Variants in KCNMA1 observed in about 807,000 individuals in gnomAD.
KCNMA1 encodes the protein potassium calcium-activated channel subfamily M alpha 1.
A neutral mutation model predicts 140.0 loss-of-function variants in KCNMA1; 29 were observed. That is an observed-to-expected ratio of 0.21 (90% CI 0.15 to 0.28). KCNMA1 has a LOEUF of 0.28. KCNMA1 is among the 10% of genes least tolerant of loss of function. The pLI, the probability that KCNMA1 is intolerant of heterozygous loss-of-function variation, is 1.00. For missense variants in KCNMA1, 880 were observed against 1,602.2 expected (o/e 0.55, Z 7.70); for synonymous variants, 612 against 611.9 (o/e 1.00, Z 0.00).
chr10:77,506,969 C>T (rs1567216156), intron 1 of KCNMA1, among the ~76,000 whole-genome samples: 1 of 151,990 alleles, frequency 6.6e-6, no homozygotes, highest in East Asian at 1.9e-4. Context: ...CTCTCTGGCT[C>T]AGTGTTTGAA....
At chr10:77,508,705 G>T (rs1172266879) in intron 1 of KCNMA1, among the ~76,000 whole-genome samples, 2 of 149,182 alleles carry the variant, frequency 1.3e-5, no homozygotes, top group East Asian at 4.0e-4. Flanking sequence ...TCTATAGCAC[G>T]AAGTACATTC....
chr10:76,940,991 G>A (rs200662142), intron 23 of KCNMA1, among the ~76,000 whole-genome samples: 1,132 of 63,430 alleles, frequency 0.018, 18 homozygotes, highest in African/African-American at 0.059. Flanking sequence ...GAGAGAAAGA[G>A]AGAAAGAAAG....
intron 13 of KCNMA1, among the ~76,000 whole-genome samples, chr10:77,076,046 G>A (rs998598047): frequency 1.2e-4 from 18 of 152,252 alleles, no homozygotes; most frequent in African/African-American, 4.1e-4. Flanking sequence ...GGAAAACCAG[G>A]AGAGATGGAT....
intron 1 of KCNMA1, among the ~76,000 whole-genome samples, chr10:77,580,928 G>A (rs571032812): frequency 2.6e-5 from 4 of 152,156 alleles, no homozygotes; most frequent in Non-Finnish European, 4.4e-5. Flanking sequence ...ACAAGCCTAT[G>A]GGAAATATAC....
intron 1 of KCNMA1, among the ~76,000 whole-genome samples, chr10:77,451,955 C>G (rs1030610526): frequency 6.6e-6 from 1 of 152,204 alleles, no homozygotes; most frequent in South Asian, 2.1e-4. Context: ...TGATGAAACT[C>G]CCCATTCAAT....
intron 23 of KCNMA1, chr10:76,939,268 G>C (rs184381765): frequency 2.0e-5 from 3 of 152,106 alleles, no homozygotes; most frequent in Admixed American, 2.0e-4. Flanking sequence ...CTACAGGGGC[G>C]TGCCACCAGG....
At chr10:77,176,469 AT>A (rs983310255) in intron 5 of KCNMA1, among the ~76,000 whole-genome samples, 22 of 152,126 alleles carry the variant, frequency 1.4e-4, no homozygotes, top group Admixed American at 3.9e-4. Flanking sequence ...AGAAAAAAAA[AT>A]GTCACTCCAT....
chr10:77,121,302 C>T (rs138171244), intron 5 of KCNMA1, among the ~76,000 whole-genome samples: 2 of 152,244 alleles, frequency 1.3e-5, no homozygotes, highest in African/African-American at 4.8e-5. Context: ...TGGGGAGAAG[C>T]CAGGTTAATG....
chr10:77,394,320 T>G (rs76302651), intron 2 of KCNMA1, among the ~76,000 whole-genome samples: 2 of 152,168 alleles, frequency 1.3e-5, no homozygotes, highest in Non-Finnish European at 2.9e-5. Context: ...ACACACCAGC[T>G]AGTAAAATTA....
chr10:77,187,046 C>A (rs532500721), intron 3 of KCNMA1, among the ~76,000 whole-genome samples: 5 of 152,206 alleles, frequency 3.3e-5, no homozygotes, highest in African/African-American at 1.2e-4. Flanking sequence ...CCCTCACAGT[C>A]GTTATTGGTG....
intron 2 of KCNMA1, among the ~76,000 whole-genome samples, chr10:77,403,315 C>T (rs948884574): frequency 1.2e-4 from 19 of 152,292 alleles, no homozygotes; most frequent in African/African-American, 4.3e-4. Flanking sequence ...GCCAGGCAGC[C>T]TCAGGTGGGC....
chr10:77,121,087 T>C (rs1326186586), intron 5 of KCNMA1, 39 bp from the exon 6 acceptor site: 6 of 1,244,490 alleles, frequency 4.8e-6, no homozygotes, highest in Non-Finnish European at 5.9e-6. Flanking sequence ...TTATTTTCAA[T>C]GTGTGATTTT....
intron 22 of KCNMA1, chr10:76,948,895 A>C: frequency 1.8e-6 from 1 of 568,552 alleles, no homozygotes; most frequent in East Asian, 3.1e-5. Context: ...GATATGGTTA[A>C]TATACTTGAT....
intron 15 of KCNMA1, 171 bp downstream of exon 15, chr10:77,039,357 A>G: frequency 1.5e-6 from 1 of 660,476 alleles, no homozygotes; most frequent in Non-Finnish European, 2.8e-6. Flanking sequence ...CCCCAGGCAG[A>G]GGCCATGTAA....
chr10:77,534,680 C>T (rs1251750715), intron 1 of KCNMA1, among the ~76,000 whole-genome samples: 1 of 152,160 alleles, frequency 6.6e-6, no homozygotes, highest in Non-Finnish European at 1.5e-5. Context: ...GGAATAAGAT[C>T]TAGTGTTCAG....
intron 1 of KCNMA1, among the ~76,000 whole-genome samples, chr10:77,502,141 T>A (rs1472808483): frequency 2.0e-5 from 3 of 152,130 alleles, no homozygotes; most frequent in African/African-American, 7.2e-5. Context: ...TTCTACCACA[T>A]TGGGTTGCCA....
chr10:77,355,790 A>G (rs1033503893), intron 2 of KCNMA1, among the ~76,000 whole-genome samples: 1 of 152,210 alleles, frequency 6.6e-6, no homozygotes, highest in African/African-American at 2.4e-5. Context: ...GTCTTTGCAA[A>G]TGAAAGCACC....
intron 26 of KCNMA1, 88 bp downstream of exon 26, chr10:76,891,437 C>T: frequency 1.0e-6 from 1 of 987,016 alleles, no homozygotes; most frequent in Non-Finnish European, 1.6e-6. Flanking sequence ...AAGCCAGATG[C>T]CTAGCTTGTC....
At chr10:77,084,565 G>A (rs1331089084) in intron 12 of KCNMA1, 72 bp downstream of exon 12, 2 of 1,186,348 alleles carry the variant, frequency 1.7e-6, no homozygotes, top group Non-Finnish European at 2.5e-6. Flanking sequence ...GTCCTCTGCA[G>A]AAGATCCAAA....
Sources: gnomAD v4.1 joint callset for allele counts (sites outside exome capture counted in the v4.1 genomes callset) on GRCh38, gnomAD v4.1.1 for gene constraint, MANE v1.5 for transcripts, NCBI Gene and HGNC (gene_info 2026-07-23, HGNC 2026-07-21) for gene names.